The following STIM2 variants were observed in gnomAD, a reference collection of about 807,000 sequenced individuals.
STIM2 encodes the protein stromal interaction molecule 2.
In STIM2, 31 loss-of-function variants were observed where a neutral mutation model predicts 85.8. That is an observed-to-expected ratio of 0.36 (90% CI 0.27 to 0.49). STIM2 has a LOEUF of 0.49. Ranked by LOEUF, STIM2 falls within the 20% of genes least tolerant of loss-of-function variation. The pLI is 0.98. For missense variants in STIM2, 841 were observed against 927.6 expected (o/e 0.91, Z 1.21); for synonymous variants, 356 against 331.1 (o/e 1.08, Z -0.82).
rs146704756 is a variant in STIM2 at position 26,952,119 on chromosome 4, C to G, written c.283-5493C>G. Among the ~76,000 whole-genome samples, 18 of 152,230 alleles carry G rather than the reference C, an allele frequency of 1.2e-4. No individual in the cohort carries two copies. In the East Asian group the frequency reaches 3.5e-3, roughly 29 times the overall value. ...ATTCAAATTATCTCCCACCGGGTCC[C>G]TCCCACAACAGGTGGGAATTATGGG... On this transcript the variant is annotated intron_variant, in intron 2 of 11. Coordinates refer to ENST00000467087, the MANE Select transcript of STIM2 (RefSeq NM_020860.4).
Position 27,022,631 on chromosome 4 carries a change from T to A in STIM2, c.1876T>A (p.Ser626Thr), listed in dbSNP as rs1728950710. Residue 626 changes from serine to threonine, a missense_variant, in exon 12 of 12, where the codon TCA becomes ACA. By Grantham distance (58) the Ser-to-Thr change is moderately conservative (BLOSUM62 1). This residue lies in a region of STIM2 where 293 missense variants were observed against 284.5 expected (regional missense o/e 1.03). Coordinates refer to ENST00000467087, the MANE Select transcript of STIM2 (RefSeq NM_020860.4). ...CCAAACATTATCTCCGCGAAAGATA[T>A]CAAGAGATGAGGTGTCCCTAGAGGA... is the stretch of plus-strand genomic sequence containing the variant. 1 of 1,614,168 alleles carries A rather than the reference T, an allele frequency of 6.2e-7. No individual in the cohort carries two copies. The highest frequency in any genetic ancestry group is 8.5e-7 in the Non-Finnish European group (1 of 1,180,014).
intron 3 of STIM2, among the ~76,000 whole-genome samples, chr4:26,993,111 G>C (rs1727823023): frequency 6.6e-6 from 1 of 152,104 alleles, no homozygotes; most frequent in Non-Finnish European, 1.5e-5. Flanking sequence ...TGGGGATTTT[G>C]TGTGGGCGTG....
intron 3 of STIM2, 55 bp from the exon 4 acceptor site, chr4:26,995,324 G>A (rs1197660672): frequency 1.9e-5 from 17 of 886,558 alleles, no homozygotes; most frequent in Non-Finnish European, 2.9e-5. Context: ...TATAGAATAT[G>A]TATTTCTGAA....
intron 3 of STIM2, among the ~76,000 whole-genome samples, chr4:26,989,479 A>G (rs1009472032): frequency 6.6e-6 from 1 of 152,210 alleles, no homozygotes; most frequent in Admixed American, 6.5e-5. Context: ...TAAAGGCCAT[A>G]TATGACAAGC....
intron 4 of STIM2, among the ~76,000 whole-genome samples, chr4:26,997,256 T>A (rs1176415507): frequency 6.6e-6 from 1 of 152,206 alleles, no homozygotes; most frequent in Admixed American, 6.5e-5. Context: ...GAAAATGTAT[T>A]ACATATTCTA....
At chr4:26,865,643 T>C (rs1722376153) in intron 1 of STIM2, among the ~76,000 whole-genome samples, 1 of 152,192 alleles carries the variant, frequency 6.6e-6, no homozygotes, top group Non-Finnish European at 1.5e-5. Context: ...ATATATTGGC[T>C]AAGCTAATAC....
chr4:26,945,728 T>C (rs746088283), intron 2 of STIM2, among the ~76,000 whole-genome samples: 2 of 152,236 alleles, frequency 1.3e-5, no homozygotes, highest in Non-Finnish European at 2.9e-5. Context: ...CATATGCTTG[T>C]TGGCTGTATG....
chr4:26,871,625 G>T (rs184270137), intron 1 of STIM2, among the ~76,000 whole-genome samples: 52 of 151,940 alleles, frequency 3.4e-4, no homozygotes, highest in Admixed American at 1.9e-3. Flanking sequence ...ATAAATACAA[G>T]GATGACGGAA....
At chr4:26,863,702 G>A (rs535763280) in intron 1 of STIM2, among the ~76,000 whole-genome samples, 38 of 152,234 alleles carry the variant, frequency 2.5e-4, no homozygotes, top group Non-Finnish European at 4.9e-4. Flanking sequence ...AATGGATAGA[G>A]ATGGAGTAGA....
chr4:26,894,270 G>A lies in STIM2; in HGVS notation c.152-25234G>A, dbSNP rs570809255. ...GCCTTGTCTTTTTATATACTTATGT[G>A]TGTATATATATATATGGTGTATTAA... On this transcript the variant is annotated intron_variant, in intron 1 of 11. Coordinates refer to ENST00000467087, the MANE Select transcript of STIM2 (RefSeq NM_020860.4). 2.0e-3 allele frequency among the ~76,000 whole-genome samples: 296 copies of A among 151,270 alleles called. 2 individuals are homozygous for A. Among genetic ancestry groups the A allele is most frequent in the Admixed American group, 4.3e-3 (66 of 15,268 alleles).
intron 3 of STIM2, among the ~76,000 whole-genome samples, chr4:26,967,149 G>A (rs191935304): frequency 2.0e-5 from 3 of 152,214 alleles, no homozygotes; most frequent in Admixed American, 1.3e-4. Context: ...GAAATTTATC[G>A]TTTTTATTTC....
intron 2 of STIM2, among the ~76,000 whole-genome samples, chr4:26,955,570 G>A (rs1417880414): frequency 1.3e-5 from 2 of 148,300 alleles, no homozygotes; most frequent in Admixed American, 1.3e-4. Context: ...GTCAAGAAGA[G>A]TTGGATGACA....
chr4:26,931,102 G>A (rs551357235), intron 2 of STIM2, among the ~76,000 whole-genome samples: 34 of 152,194 alleles, frequency 2.2e-4, no homozygotes, highest in South Asian at 1.0e-3. Context: ...GTTTTCTGCC[G>A]TATAAGTCTC....
intron 2 of STIM2, among the ~76,000 whole-genome samples, chr4:26,932,571 G>GGTA (rs1441555617): frequency 1.3e-5 from 2 of 152,106 alleles, no homozygotes; most frequent in African/African-American, 4.8e-5. Flanking sequence ...AATTTTTCAT[G>GGTA]GTAGTATATC....
In STIM2 at chr4:27,023,220, C is replaced by G; in HGVS notation, c.*224C>G. 1 of 522,204 alleles carries G rather than the reference C, an allele frequency of 1.9e-6. No homozygotes were observed. The highest frequency in any genetic ancestry group is 1.9e-5 in the African/African-American group (1 of 52,804). 32.3% of individuals were successfully genotyped at this position (522,204 alleles called of 1,614,324 possible). On this transcript the variant is annotated 3_prime_UTR_variant, in exon 12 of 12. Coordinates refer to ENST00000467087, the MANE Select transcript of STIM2 (RefSeq NM_020860.4). ...ATCAAGCCAGTTATTACTGAAAAATCATTGAAATGAGACAGTTTACAGTCA... is the reference window on the plus strand; with the variant it reads ...ATCAAGCCAGTTATTACTGAAAAATGATTGAAATGAGACAGTTTACAGTCA...
At chr4:26,897,216 G>A (rs1278989673) in intron 1 of STIM2, among the ~76,000 whole-genome samples, 1 of 152,200 alleles carries the variant, frequency 6.6e-6, no homozygotes, top group Non-Finnish European at 1.5e-5. Flanking sequence ...CTGATCTCCA[G>A]AGTGGCAGTA....
At position 26,995,426 on chromosome 4, in the gene STIM2, G is replaced by A; in HGVS notation, c.445G>A (p.Val149Ile). The A allele has an allele frequency of 6.2e-7, 1 of 1,603,720 alleles. No homozygotes were observed. Among genetic ancestry groups the A allele is most frequent in the Non-Finnish European group, 8.5e-7 (1 of 1,175,220 alleles). ...CACTCTTCAGTGGTTGATAGAGTTT[G>A]TTGAACTACCCCAATATGAGAAGAA... Residue 149 changes from valine to isoleucine, a missense_variant, in exon 4 of 12, where the codon GTT becomes ATT. Coordinates refer to ENST00000467087, the MANE Select transcript of STIM2 (RefSeq NM_020860.4).
At chr4:26,947,576 C>T (rs932555581) in intron 2 of STIM2, among the ~76,000 whole-genome samples, 2 of 152,066 alleles carry the variant, frequency 1.3e-5, no homozygotes, top group Admixed American at 1.3e-4. Flanking sequence ...GCATCTTGAT[C>T]AGGCTTTCTC....
rs750591328 is a variant in STIM2, at chr4:27,008,746, C to A, written c.1251-18C>A. 1.2e-6 allele frequency: 2 copies of A among 1,612,648 alleles called. No homozygotes were observed. The highest frequency in any genetic ancestry group is 3.3e-5 in the Admixed American group (2 of 59,940). On this transcript the variant is annotated intron_variant, in intron 9 of 11. Transcript: ENST00000467087. ...GACCTTTTGATGCAGTAAGTAATTT[C>A]TTTATTGGCTTTTCCAGGAAAGCTC...
Sources: gnomAD v4.1 joint callset for allele counts (sites outside exome capture counted in the v4.1 genomes callset) on GRCh38, gnomAD v4.1.1 for gene constraint, gnomAD v4.1.1 regional missense constraint, MANE v1.5 for transcripts, NCBI Gene and HGNC (gene_info 2026-07-23, HGNC 2026-07-21) for gene names.